The following ZIM2 variants were observed in gnomAD, a reference collection of about 807,000 sequenced individuals.
ZIM2 encodes zinc finger protein 656.
Under a neutral mutation model 38.6 loss-of-function variants are expected in ZIM2, and 14 were observed. The observed-to-expected ratio is 0.36, with a 90% confidence interval of 0.24 to 0.57. ZIM2 has a LOEUF of 0.57. Ranked by LOEUF, ZIM2 falls within the 20% of genes least tolerant of loss-of-function variation. The pLI is 0.81. For synonymous variants in ZIM2, 247 were observed against 245.8 expected (o/e 1.00, Z -0.04); for missense variants, 680 against 695.1 (o/e 0.98, Z 0.24).
At chr19:56,834,045 A>G (rs927859805) in intron 2 of ZIM2, among the ~76,000 whole-genome samples, 2 of 152,376 alleles carry the variant, frequency 1.3e-5, no homozygotes, top group Admixed American at 1.3e-4. Flanking sequence ...GTTCAGTCTT[A>G]TGACCAGCAC....
intron 9 of ZIM2, chr19:56,810,867 G>C: frequency 1.0e-6 from 1 of 965,266 alleles, no homozygotes. Flanking sequence ...TTTCCTCTGG[G>C]TATGTATTAT....
intron 1 of ZIM2, among the ~76,000 whole-genome samples, chr19:56,838,314 C>T (rs1444878505): frequency 6.6e-6 from 1 of 152,180 alleles, no homozygotes; most frequent in East Asian, 1.9e-4. Context: ...CTGGGGCCGA[C>T]CCAGGTGTCA....
chr19:56,806,356 C>T (rs907702394), intron 9 of ZIM2, among the ~76,000 whole-genome samples: 9 of 152,162 alleles, frequency 5.9e-5, no homozygotes, highest in African/African-American at 2.2e-4. Context: ...ACATGGCTTC[C>T]CTTTTTTGAT....
chr19:56,814,086 C>T lies in ZIM2; in HGVS notation c.490+3660G>A. ...GGTCTTCAATACCTGCACCATCTGGCTCATCAGCATCCCCATTTGGCTGCT... is the reference window on the plus strand; with the variant it reads ...GGTCTTCAATACCTGCACCATCTGGTTCATCAGCATCCCCATTTGGCTGCT... On this transcript the variant is annotated intron_variant, in intron 9 of 12. Transcript: ENST00000629319. The surrounding 1 kb of genome is among the most constrained non-coding windows in gnomAD (Gnocchi z 5.8). 3.7e-6 allele frequency: 6 copies of T among 1,614,182 alleles called. No individual in the cohort carries two copies. Among genetic ancestry groups the T allele is most frequent in the Non-Finnish European group, 5.1e-6 (6 of 1,180,038 alleles).
In ZIM2 at chr19:56,775,511, G is replaced by A; in HGVS notation, c.854C>T (p.Pro285Leu). The A allele has an allele frequency of 6.2e-7, 1 of 1,611,614 alleles. No homozygotes were observed. Among genetic ancestry groups the A allele is most frequent in the Non-Finnish European group, 8.5e-7 (1 of 1,179,008 alleles). Residue 285 changes from proline to leucine, a missense_variant, in exon 13 of 13, where the codon CCA (proline) becomes CTA (leucine). Coordinates refer to ENST00000629319, the MANE Select transcript of ZIM2 (RefSeq NM_001387356.1). ...VICQGESHDD[P>L]LEPHQGNQEK... is the part of the protein sequence containing the mutation. ...TTGGTTGCCCTGGTGTGGTTCCAAT[G>A]GATCATCATGAGACTCTCCTGCAGA... is the stretch of plus-strand genomic sequence containing the variant.
intron 10 of ZIM2, among the ~76,000 whole-genome samples, chr19:56,788,066 G>T (rs932185938): frequency 2.7e-5 from 4 of 149,470 alleles, no homozygotes; most frequent in African/African-American, 4.9e-5. Context: ...TGGAGTCATT[G>T]ATTTTTTTTG....
In ZIM2 at chr19:56,817,856, A is replaced by G. The variant is rs1388224774; in HGVS notation, c.398-18T>C. The G allele has an allele frequency of 6.2e-7, 1 of 1,601,644 alleles. No homozygotes were observed. The highest frequency in any genetic ancestry group is 1.3e-5 in the African/African-American group (1 of 74,684). Reference sequence around the variant, plus strand: ...CTGCACTCCTGGTCACAAGGACAATATGATGCCTCAAATTCAAGTTGAGGA... The same window carrying G: ...CTGCACTCCTGGTCACAAGGACAATGTGATGCCTCAAATTCAAGTTGAGGA... On this transcript the variant is annotated intron_variant, in intron 8 of 12. Coordinates refer to ENST00000629319, the MANE Select transcript of ZIM2 (RefSeq NM_001387356.1).
chr19:56,792,636 A>G (rs1251007107), intron 9 of ZIM2, among the ~76,000 whole-genome samples: 7 of 152,060 alleles, frequency 4.6e-5, no homozygotes, highest in Non-Finnish European at 7.4e-5. Flanking sequence ...AGACGGGAAC[A>G]ATAAACACGG....
intron 7 of ZIM2, 24 bp downstream of exon 7, chr19:56,821,627 G>T (rs2060496031): frequency 6.2e-7 from 1 of 1,611,160 alleles, no homozygotes; most frequent in East Asian, 2.2e-5. Context: ...GGCCTTTCTA[G>T]AAAGAGAGGA....
intron 8 of ZIM2, among the ~76,000 whole-genome samples, chr19:56,818,363 A>C (rs1301038107): frequency 1.3e-5 from 2 of 152,230 alleles, no homozygotes; most frequent in Admixed American, 6.5e-5. Context: ...TGTGGCAAGA[A>C]GCATCTCCCT....
At chr19:56,784,753 A>G (rs1335769271) in intron 10 of ZIM2, among the ~76,000 whole-genome samples, 1 of 152,220 alleles carries the variant, frequency 6.6e-6, no homozygotes, top group Non-Finnish European at 1.5e-5. Flanking sequence ...TCTTTAAAAT[A>G]AAGAGATCCA....
chr19:56,820,480 C>G (rs997192912), intron 7 of ZIM2, among the ~76,000 whole-genome samples: 1 of 152,174 alleles, frequency 6.6e-6, no homozygotes, highest in African/African-American at 2.4e-5. Context: ...CACCAGTGGC[C>G]AGGCCCACAC....
At chr19:56,816,362 A>G in intron 9 of ZIM2, 2 of 1,614,170 alleles carry the variant, frequency 1.2e-6, no homozygotes, top group Non-Finnish European at 1.7e-6. Flanking sequence ...CTTTGCATGA[A>G]GGCATCCCGG....
intron 9 of ZIM2, among the ~76,000 whole-genome samples, chr19:56,806,171 T>C (rs769280273): frequency 6.6e-6 from 1 of 152,224 alleles, no homozygotes; most frequent in Non-Finnish European, 1.5e-5. Flanking sequence ...CTTGCAACTT[T>C]CCCATGAGCT....
intron 7 of ZIM2, 47 bp from the exon 8 acceptor site, chr19:56,818,749 T>C (rs769426715): frequency 1.3e-6 from 2 of 1,597,834 alleles, no homozygotes; most frequent in African/African-American, 1.3e-5. Context: ...TCCCCACCGA[T>C]GTTCAAAGAC....
rs984331791 is a variant in ZIM2 at position 56,814,644 on chromosome 19, G to A, written c.490+3102C>T. 6.2e-7 allele frequency: 1 copy of A among 1,614,162 alleles called. No homozygotes were observed. The highest frequency in any genetic ancestry group is 1.3e-5 in the African/African-American group (1 of 75,060). ...TTCTCTGAAACTCAGTGAGGGCTAA[G>A]CCTGGAATGATAGCTTCCTCAGCCA... is the stretch of plus-strand genomic sequence containing the variant. On this transcript the variant is annotated intron_variant, in intron 9 of 12. Coordinates refer to ENST00000629319, the MANE Select transcript of ZIM2 (RefSeq NM_001387356.1). This position sits in a 1 kb window ranked among gnomAD's most constrained non-coding sequence, Gnocchi z 5.8.
At position 56,836,115 on chromosome 19, in the gene ZIM2, A is replaced by G. The variant is rs1394493430; in HGVS notation, c.-313-11T>C. On this transcript the variant is annotated splice_polypyrimidine_tract_variant and intron_variant, in intron 1 of 12. Transcript: ENST00000629319. ...ATCAAGAAGGCAAAGCTGTAGAGGA[A>G]AAGAAAATGTGAGACGCCAAGTTTA... 2.1e-6 allele frequency: 1 copy of G among 466,866 alleles called. No homozygotes were observed. Among genetic ancestry groups the G allele is most frequent in the Non-Finnish European group, 4.3e-6 (1 of 232,348 alleles). 28.9% of individuals were successfully genotyped at this position (466,866 alleles called of 1,614,324 possible). A position where few individuals can be genotyped will look rare whatever the true frequency, so the allele number is the denominator to read the frequency against.
chr19:56,824,220 T>C, intron 4 of ZIM2, 42 bp downstream of exon 4: 3 of 1,592,080 alleles, frequency 1.9e-6, no homozygotes, highest in South Asian at 1.1e-5. Context: ...AGGGGACACC[T>C]GAGGCCTGCA....
At chr19:56,809,467 G>A (rs927112226) in intron 9 of ZIM2, among the ~76,000 whole-genome samples, 6 of 152,170 alleles carry the variant, frequency 3.9e-5, no homozygotes, top group African/African-American at 9.7e-5. Context: ...CACTGTGGTC[G>A]CCAACAGGGT....
Sources: allele counts gnomAD v4.1 joint callset (sites outside exome capture counted in the v4.1 genomes callset), GRCh38; gene constraint gnomAD v4.1.1; non-coding constraint Gnocchi (gnomAD v3.1); transcripts MANE v1.5; gene names NCBI Gene and HGNC (gene_info 2026-07-23, HGNC 2026-07-21).